Variants in ATXN3 observed in about 807,000 individuals in gnomAD.
ATXN3 encodes the protein ataxin 3.
A neutral mutation model predicts 58.2 loss-of-function variants in ATXN3; 28 were observed. The ratio of observed to expected loss-of-function variants is 0.48; its 90% CI spans 0.36 to 0.66. The LOEUF (loss-of-function observed/expected upper bound fraction) is 0.66, where lower values mean the gene tolerates loss of function less well. ATXN3 is among the 30% of genes least tolerant of loss of function. The probability of loss-of-function intolerance (pLI) is 0.00; values close to 1 mark genes in which losing one functional copy is unlikely to be tolerated. For synonymous variants in ATXN3, 113 were observed against 138.5 expected (o/e 0.82, Z 1.29); for missense variants, 321 against 422.1 (o/e 0.76, Z 2.10).
chr14:92,070,774 C>G, intron 10 of ATXN3, 161 bp downstream of exon 10: 2 of 1,331,482 alleles, frequency 1.5e-6, no homozygotes, highest in Non-Finnish European at 2.0e-6. Flanking sequence ...TTGGTAACTG[C>G]TCCTTAATCC....
At position 92,060,172 on chromosome 14, in the gene ATXN3, C is replaced by G. The variant is rs2057658445; in HGVS notation, c.*4148G>C. ...TCAGCCTCCCAAAGTGTTGGGATTA[C>G]AGGCGTGAGCCACTGCCCCCGACTG... On this transcript the variant is annotated 3_prime_UTR_variant, in exon 11 of 11. Coordinates refer to ENST00000644486, the MANE Select transcript of ATXN3 (RefSeq NM_004993.6). The G allele has an allele frequency of 6.6e-6, 1 of 151,310 alleles. No individual in the cohort carries two copies. The highest frequency in any genetic ancestry group is 1.5e-5 in the Non-Finnish European group (1 of 67,928). The allele number at this position is 151,310 out of a possible 1,614,324, so 9.4% of individuals were successfully genotyped here. A position where few individuals can be genotyped will look rare whatever the true frequency, so the allele number is the denominator to read the frequency against.
At chr14:92,050,462 A>C (rs1428129249), upstream of ATXN3, 1 of 152,350 alleles carries the variant, frequency 6.6e-6, no homozygotes, top group Non-Finnish European at 1.5e-5. Flanking sequence ...ATCTAACACA[A>C]CACCTCAAAC....
intron 8 of ATXN3, among the ~76,000 whole-genome samples, chr14:92,081,308 CTAAAAGTACAA>C (rs1290732858): frequency 2.6e-5 from 4 of 151,546 alleles, no homozygotes; most frequent in Non-Finnish European, 5.9e-5. Context: ...CCTATCTCTA[CTAAAAGTACAA>C]AAAATTAGCT....
chr14:92,052,217 G>A (rs1035674904), upstream of ATXN3, among the ~76,000 whole-genome samples: 9 of 152,210 alleles, frequency 5.9e-5, no homozygotes, highest in East Asian at 3.9e-4. Context: ...ATCTCTCGCC[G>A]GGTGCGGTGG....
chr14:92,075,806 C>T (rs3819780), intron 9 of ATXN3, among the ~76,000 whole-genome samples: 39,571 of 152,112 alleles, frequency 0.26, 5,332 homozygotes, highest in East Asian at 0.44. Flanking sequence ...ATGAGCTCTA[C>T]AAGGTTTTGA....
upstream of ATXN3, among the ~76,000 whole-genome samples, chr14:92,052,919 C>A (rs563917634): frequency 6.6e-6 from 1 of 152,170 alleles, no homozygotes; most frequent in Non-Finnish European, 1.5e-5. Context: ...CTTTCTTACT[C>A]CCCTATGCCC....
chr14:92,096,134 G>A lies in ATXN3; in HGVS notation c.193C>T (p.Pro65Ser). 2 of 1,550,060 alleles carry A rather than the reference G, an allele frequency of 1.3e-6. No homozygotes were observed. Among genetic ancestry groups the A allele is most frequent in the Non-Finnish European group, 1.8e-6 (2 of 1,134,910 alleles). The change falls in exon 3 of 11, where the codon CCT (proline) becomes TCT (serine). Residue 65 changes from proline (P) to serine (S), a missense_variant. This residue lies in a region of ATXN3 where 121 missense variants were observed against 198.9 expected (regional missense o/e 0.61). Coordinates refer to ENST00000644486, the MANE Select transcript of ATXN3 (RefSeq NM_004993.6). Reference sequence around the variant, plus strand: ...CCACTGTCATCCATATTTCCAGAAGGCTGCTGTTAATTTTGACAGGTAGTT... The same window carrying A: ...CCACTGTCATCCATATTTCCAGAAGACTGCTGTTAATTTTGACAGGTAGTT... ...SEDYRTFLQQ[P>S]SGNMDDSGFF...
chr14:92,050,143 CG>C (rs1268063362), upstream of ATXN3, among the ~76,000 whole-genome samples: 3 of 147,590 alleles, frequency 2.0e-5, no homozygotes, highest in Non-Finnish European at 3.0e-5. Flanking sequence ...ACTTTGCTCT[CG>C]TGTGTGTGTG....
chr14:92,096,045 G>C (rs746294974), intron 3 of ATXN3, 48 bp downstream of exon 3: 8 of 1,427,952 alleles, frequency 5.6e-6, no homozygotes, highest in Non-Finnish European at 6.9e-6. Flanking sequence ...GCTGTGAAAC[G>C]GTGCCTGGGA....
At chr14:92,099,527 A>G (rs987502067) in intron 1 of ATXN3, among the ~76,000 whole-genome samples, 2 of 152,218 alleles carry the variant, frequency 1.3e-5, no homozygotes, top group East Asian at 3.8e-4. Context: ...CTTACTGAAT[A>G]ATATGCAAAT....
chr14:92,093,616 A>G, intron 4 of ATXN3, 130 bp downstream of exon 4: 1 of 752,224 alleles, frequency 1.3e-6, no homozygotes. Context: ...GAAATAGGAA[A>G]GTCTGAGTGA....
intron 9 of ATXN3, among the ~76,000 whole-genome samples, chr14:92,077,778 G>A (rs910948395): frequency 7.2e-5 from 11 of 151,886 alleles, no homozygotes; most frequent in Non-Finnish European, 2.9e-5. Context: ...CAAAGTAGCT[G>A]TGATTACAGG....
chr14:92,053,472 CCTTT>C (rs2057455086), upstream of ATXN3, among the ~76,000 whole-genome samples: 1 of 150,258 alleles, frequency 6.7e-6, no homozygotes, highest in African/African-American at 2.5e-5. Flanking sequence ...TTTCTGCTCT[CCTTT>C]TTTTTTTCTT....
At chr14:92,099,023 A>G (rs951219660) in intron 1 of ATXN3, among the ~76,000 whole-genome samples, 5 of 152,166 alleles carry the variant, frequency 3.3e-5, no homozygotes, top group Admixed American at 2.6e-4. Flanking sequence ...ATGCTACCTG[A>G]TAAGAAGGGA....
At chr14:92,080,783 G>A (rs373378578) in intron 9 of ATXN3, 182 bp downstream of exon 9, 14 of 588,300 alleles carry the variant, frequency 2.4e-5, no homozygotes, top group Admixed American at 6.5e-5. Context: ...CAATCTGCCC[G>A]CCTTGGCCTC....
At chr14:92,089,070 G>A (rs1414921911) in intron 5 of ATXN3, among the ~76,000 whole-genome samples, 2 of 151,256 alleles carry the variant, frequency 1.3e-5, no homozygotes, top group Admixed American at 6.6e-5. Context: ...AGGCTGGAGT[G>A]CAGTGGCATG....
intron 9 of ATXN3, among the ~76,000 whole-genome samples, chr14:92,077,341 G>C (rs1354229059): frequency 7.3e-6 from 1 of 137,614 alleles, no homozygotes; most frequent in East Asian, 2.2e-4. Context: ...AAGGAGGTGA[G>C]AGTATGCTTT....
At chr14:92,071,332 A>G (rs1415335197) in intron 9 of ATXN3, 3 of 547,600 alleles carry the variant, frequency 5.5e-6, no homozygotes, top group Admixed American at 4.8e-5. Context: ...GTGGTGGCTC[A>G]CACCTGTAAT....
intron 7 of ATXN3, 83 bp downstream of exon 7, chr14:92,083,043 C>A: frequency 6.8e-7 from 1 of 1,479,124 alleles, no homozygotes; most frequent in Non-Finnish European, 9.1e-7. Context: ...AACACAAGGA[C>A]CACATATTCA....
Sources: gnomAD v4.1 joint callset for allele counts (sites outside exome capture counted in the v4.1 genomes callset) on GRCh38, gnomAD v4.1.1 for gene constraint, gnomAD v4.1.1 regional missense constraint, MANE v1.5 for transcripts, NCBI Gene and HGNC (gene_info 2026-07-23, HGNC 2026-07-21) for gene names.